The following CALN1 variants were observed in gnomAD, a reference collection of about 807,000 sequenced individuals.
CALN1 encodes calneuron 1, also known as calcium-binding protein 8.
CALN1 carries 17 observed loss-of-function variants against 30.6 expected under a neutral mutation model. That is an observed-to-expected ratio of 0.56 (90% CI 0.38 to 0.83). The LOEUF is 0.83. CALN1 is among the 40% of genes least tolerant of loss of function. The pLI is 0.00. For missense variants in CALN1, 291 were observed against 354.9 expected (o/e 0.82, Z 1.45); for synonymous variants, 156 against 131.4 (o/e 1.19, Z -1.28).
intron 5 of CALN1, among the ~76,000 whole-genome samples, chr7:71,895,611 T>C (rs1457287199): frequency 9.2e-5 from 14 of 152,204 alleles, no homozygotes; most frequent in Non-Finnish European, 1.5e-5. Context: ...AATTCTGATA[T>C]AAATATTACA....
At chr7:72,380,545 C>A (rs1271130947) in intron 2 of CALN1, among the ~76,000 whole-genome samples, 2 of 152,152 alleles carry the variant, frequency 1.3e-5, no homozygotes. Flanking sequence ...ATCGCTTGAG[C>A]CCATGACTTC....
At chr7:71,829,480 A>AT (rs1789131332) in intron 5 of CALN1, among the ~76,000 whole-genome samples, 1 of 152,220 alleles carries the variant, frequency 6.6e-6, no homozygotes, top group African/African-American at 2.4e-5. Context: ...ATAATTTGTT[A>AT]TAAGAGCAAC....
At chr7:72,206,672 ATTTG>A (rs3032207) in intron 3 of CALN1, among the ~76,000 whole-genome samples, 38,967 of 151,772 alleles carry the variant, frequency 0.26, 6,401 homozygotes, top group East Asian at 0.67. Context: ...GCAGGCTAAA[ATTTG>A]TTTTTGTTTT....
intron 3 of CALN1, among the ~76,000 whole-genome samples, chr7:72,276,819 A>G (rs1334212642): frequency 9.2e-5 from 14 of 152,116 alleles, no homozygotes; most frequent in South Asian, 2.1e-4. Context: ...GTTCTTTTCT[A>G]TATCAATTAC....
chr7:72,104,958 A>G (rs10259034), intron 4 of CALN1, among the ~76,000 whole-genome samples: 34,404 of 151,838 alleles, frequency 0.23, 4,817 homozygotes, highest in East Asian at 0.69. Context: ...CTCCGTCTCT[A>G]AAATAAATAA....
chr7:72,345,006 A>C (rs1266498811), intron 2 of CALN1, among the ~76,000 whole-genome samples: 1 of 147,932 alleles, frequency 6.8e-6, no homozygotes, highest in African/African-American at 2.4e-5. Context: ...TATATAATAC[A>C]TTATATATGT....
intron 3 of CALN1, among the ~76,000 whole-genome samples, chr7:72,229,710 C>T (rs1793943596): frequency 1.3e-5 from 2 of 151,964 alleles, no homozygotes; most frequent in Admixed American, 1.3e-4. Context: ...CATGTTCTCA[C>T]TCATAAGTGG....
intron 3 of CALN1, among the ~76,000 whole-genome samples, chr7:72,197,911 G>A (rs1585142739): frequency 1.3e-5 from 2 of 152,108 alleles, no homozygotes; most frequent in African/African-American, 2.4e-5. Flanking sequence ...AAAAAAGAAC[G>A]TGGCCTGCAG....
chr7:72,109,809 G>A (rs1365870237), intron 3 of CALN1, among the ~76,000 whole-genome samples: 1 of 152,228 alleles, frequency 6.6e-6, no homozygotes, highest in Non-Finnish European at 1.5e-5. Context: ...GAGGCAGCCA[G>A]CGCCAAGCGC....
chr7:72,206,521 TAGTC>T (rs1398854947), intron 3 of CALN1, among the ~76,000 whole-genome samples: 16 of 152,232 alleles, frequency 1.1e-4, no homozygotes, highest in African/African-American at 3.4e-4. Flanking sequence ...ATTTTCATCT[TAGTC>T]AGTGCCTTAT....
chr7:72,040,940 T>C (rs188418659), intron 4 of CALN1, among the ~76,000 whole-genome samples: 39 of 152,284 alleles, frequency 2.6e-4, no homozygotes, highest in Middle Eastern at 3.4e-3. Flanking sequence ...TATCTTGGTG[T>C]AGCAGCCCAA....
chr7:72,427,178 C>T (rs924773864), intron 1 of CALN1, among the ~76,000 whole-genome samples: 4 of 152,070 alleles, frequency 2.6e-5, no homozygotes, highest in African/African-American at 4.8e-5. Flanking sequence ...AGAGATGGGG[C>T]TTTGCCAGGC....
intron 2 of CALN1, among the ~76,000 whole-genome samples, chr7:72,358,265 G>A (rs1803357798): frequency 6.6e-6 from 1 of 151,928 alleles, no homozygotes; most frequent in South Asian, 2.1e-4. Context: ...AAAGTGCTAG[G>A]ATTATAGGTG....
chr7:72,485,281 G>A, the CALN1 span, among the ~76,000 whole-genome samples: 69,509 of 151,778 alleles, frequency 0.46, 16,071 homozygotes, highest in Non-Finnish European at 0.49. Flanking sequence ...ATACTGTGCC[G>A]GGGATGGTGG....
At chr7:71,796,795 T>G (rs1018471616) in intron 6 of CALN1, among the ~76,000 whole-genome samples, 5 of 152,144 alleles carry the variant, frequency 3.3e-5, no homozygotes, top group African/African-American at 1.2e-4. Context: ...GCTCAGAAAG[T>G]ATTTGGGAAT....
intron 4 of CALN1, among the ~76,000 whole-genome samples, chr7:72,088,716 A>AAGAAAG (rs1218136065): frequency 1.9e-3 from 283 of 145,474 alleles, no homozygotes; most frequent in African/African-American, 7.0e-3. Context: ...AAAAAAAAAA[A>AAGAAAG]AAGAAAGAAG....
intron 3 of CALN1, among the ~76,000 whole-genome samples, chr7:72,221,599 G>C (rs1793306342): frequency 6.6e-6 from 1 of 152,154 alleles, no homozygotes. Context: ...AAATAAAGCT[G>C]AGTGGCTGAG....
chr7:72,041,915 A>G (rs944903808), intron 4 of CALN1, among the ~76,000 whole-genome samples: 2 of 152,104 alleles, frequency 1.3e-5, no homozygotes, highest in Non-Finnish European at 2.9e-5. Context: ...TTCTGCCGTG[A>G]TTGTGAGGCC....
At chr7:72,326,764 C>T (rs191882584) in intron 2 of CALN1, among the ~76,000 whole-genome samples, 8 of 152,226 alleles carry the variant, frequency 5.3e-5, no homozygotes, top group South Asian at 2.1e-4. Flanking sequence ...AAAATAAATT[C>T]GGTTTCCAAT....
Sources: gnomAD v4.1 joint callset for allele counts (sites outside exome capture counted in the v4.1 genomes callset) on GRCh38, gnomAD v4.1.1 for gene constraint, MANE v1.5 for transcripts, NCBI Gene and HGNC (gene_info 2026-07-23, HGNC 2026-07-21) for gene names.